The following TCF7L2 variants were observed in gnomAD, a reference collection of about 807,000 sequenced individuals.
TCF7L2 encodes transcription factor 7-like 2.
Under a neutral mutation model 77.9 loss-of-function variants are expected in TCF7L2, and 23 were observed. That is an observed-to-expected ratio of 0.30 (90% CI 0.21 to 0.42). The LOEUF (loss-of-function observed/expected upper bound fraction) is 0.42. TCF7L2 is among the 10% of genes least tolerant of loss of function. TCF7L2 has a pLI of 1.00. For missense variants in TCF7L2, 654 were observed against 793.1 expected (o/e 0.82, Z 2.11); for synonymous variants, 413 against 340.2 (o/e 1.21, Z -2.36).
In TCF7L2 at chr10:113,140,242, G is replaced by A. The variant is rs145546205; in HGVS notation, c.553-942G>A. ...GTTATAGCACAGAGTAGTGGAGTGG[G>A]GAGGGGTGGACTGAGCGGGAGGTGG... On this transcript the variant is annotated intron_variant, in intron 5 of 13. Transcript: ENST00000627217. 4.1e-4 allele frequency among the ~76,000 whole-genome samples: 62 copies of A among 152,202 alleles called. No homozygotes were observed. In the East Asian group the frequency reaches 0.011, roughly 28 times the overall value.
intron 5 of TCF7L2, among the ~76,000 whole-genome samples, chr10:113,055,637 G>T (rs2055247741): frequency 6.6e-6 from 1 of 152,168 alleles, no homozygotes; most frequent in Non-Finnish European, 1.5e-5. Flanking sequence ...GCTATTCACA[G>T]GAAAGAGCAT....
At chr10:113,155,912 G>A (rs1444715581) in intron 11 of TCF7L2, among the ~76,000 whole-genome samples, 1 of 152,108 alleles carries the variant, frequency 6.6e-6, no homozygotes, top group Non-Finnish European at 1.5e-5. Context: ...TGTACATGAA[G>A]GAACATAGCG....
chr10:113,024,760 C>A (rs1041674346), intron 4 of TCF7L2, among the ~76,000 whole-genome samples: 2 of 151,258 alleles, frequency 1.3e-5, no homozygotes, highest in African/African-American at 4.9e-5. Context: ...GCTGAGATTA[C>A]AGGGGCTTCC....
intron 4 of TCF7L2, among the ~76,000 whole-genome samples, chr10:112,976,416 G>A (rs188104830): frequency 6.6e-6 from 1 of 152,250 alleles, no homozygotes; most frequent in African/African-American, 2.4e-5. Context: ...TTTCTCTTAT[G>A]TCACTGAAAA....
At chr10:113,057,974 G>A (rs1463094304) in intron 5 of TCF7L2, among the ~76,000 whole-genome samples, 1 of 152,182 alleles carries the variant, frequency 6.6e-6, no homozygotes, top group African/African-American at 2.4e-5. Flanking sequence ...ACTAAGATGT[G>A]AACAGTGGGA....
intron 4 of TCF7L2, among the ~76,000 whole-genome samples, chr10:113,002,444 A>G (rs1459828205): frequency 4.6e-5 from 7 of 152,152 alleles, no homozygotes; most frequent in African/African-American, 1.4e-4. Flanking sequence ...TAAGGATGCT[A>G]TTGAACATCC....
chr10:113,078,129 A>AT lies in TCF7L2; in HGVS notation c.552+38005dup, dbSNP rs757287143. On this transcript the variant is annotated intron_variant, in intron 5 of 13. Coordinates refer to ENST00000627217, the MANE Select transcript of TCF7L2 (RefSeq NM_001146274.2). ...TCATCAGTTGATGGCAAGCTTCAGAATTAAAAAAAAAAATTAAGCTAGTTC... is the reference window on the plus strand; with the variant it reads ...TCATCAGTTGATGGCAAGCTTCAGAATTTAAAAAAAAAAATTAAGCTAGTTC... Among the ~76,000 whole-genome samples the AT allele has an allele frequency of 9.1e-5, 9 of 99,390 alleles. No individual in the cohort carries two copies. The South Asian group carries it at 1.6e-3, about 18-fold the overall frequency. The allele number at this position is 99,390 out of a possible 152,430, so 65.2% of individuals were successfully genotyped here. A position where few individuals can be genotyped will look rare whatever the true frequency, so the allele number is the denominator to read the frequency against.
intron 4 of TCF7L2, among the ~76,000 whole-genome samples, chr10:112,990,405 T>C (rs987219664): frequency 2.6e-5 from 4 of 152,130 alleles, no homozygotes; most frequent in Non-Finnish European, 4.4e-5. Flanking sequence ...AACCTAAAGG[T>C]TGCTAAAAAA....
intron 11 of TCF7L2, among the ~76,000 whole-genome samples, chr10:113,156,622 G>A (rs748157954): frequency 1.8e-4 from 27 of 152,350 alleles, no homozygotes; most frequent in Non-Finnish European, 3.1e-4. Context: ...TGAGGCAGTC[G>A]CCTCTCCTGA....
intron 5 of TCF7L2, among the ~76,000 whole-genome samples, chr10:113,081,399 A>G (rs1201560373): frequency 6.6e-6 from 1 of 152,226 alleles, no homozygotes; most frequent in African/African-American, 2.4e-5. Context: ...TTCATTAGCT[A>G]GATTCACAAA....
intron 4 of TCF7L2, among the ~76,000 whole-genome samples, chr10:113,038,030 T>C (rs115370345): frequency 0.013 from 1,983 of 152,264 alleles, 46 homozygotes; most frequent in African/African-American, 0.045. Flanking sequence ...TGGCCTGGGT[T>C]ACAGATGGAG....
intron 4 of TCF7L2, among the ~76,000 whole-genome samples, chr10:112,966,522 T>C (rs1053274531): frequency 2.0e-5 from 3 of 152,060 alleles, no homozygotes; most frequent in African/African-American, 7.2e-5. Context: ...AACGGGTGGA[T>C]GTACCATGTC....
chr10:112,979,426 G>C (rs754985208), intron 4 of TCF7L2, among the ~76,000 whole-genome samples: 10 of 152,154 alleles, frequency 6.6e-5, no homozygotes, highest in Non-Finnish European at 1.0e-4. Flanking sequence ...ACTTTCTGGC[G>C]TTCTCCAAGT....
Position 113,165,768 on chromosome 10 carries a change from ACCCG to A in TCF7L2, c.1609_1612del (p.Ala537SerfsTer64). 1 of 1,601,040 alleles carries A rather than the reference ACCCG, an allele frequency of 6.2e-7. No homozygotes were observed. On this transcript the variant is annotated frameshift_variant, in exon 14 of 14. Coordinates refer to ENST00000627217, the MANE Select transcript of TCF7L2 (RefSeq NM_001146274.2). LOFTEE classifies it high-confidence loss of function. ...CCCACCTGTCCATGATGCCTCCGCC[ACCCG>A]CCCTCCTGCTCGCTGAGGCCACCCA...
At chr10:113,145,231 TG>T (rs2069144971) in intron 7 of TCF7L2, among the ~76,000 whole-genome samples, 1 of 152,150 alleles carries the variant, frequency 6.6e-6, no homozygotes. Context: ...ACGGTAGACA[TG>T]AACATGAGCT....
chr10:113,148,383 A>G (rs1325629397), intron 8 of TCF7L2, among the ~76,000 whole-genome samples: 2 of 152,192 alleles, frequency 1.3e-5, no homozygotes, highest in Non-Finnish European at 2.9e-5. Context: ...CACAAAAAAT[A>G]AGGCAGGAAG....
chr10:113,072,755 T>C (rs1052675206), intron 5 of TCF7L2, among the ~76,000 whole-genome samples: 3 of 152,210 alleles, frequency 2.0e-5, no homozygotes, highest in Non-Finnish European at 4.4e-5. Flanking sequence ...TTATTTGTGG[T>C]GCACACAGGT....
At chr10:113,081,975 T>C (rs573146143) in intron 5 of TCF7L2, among the ~76,000 whole-genome samples, 24 of 152,266 alleles carry the variant, frequency 1.6e-4, no homozygotes, top group Admixed American at 1.6e-3. Flanking sequence ...GTATGTGGGA[T>C]TACAGGTGCC....
intron 4 of TCF7L2, among the ~76,000 whole-genome samples, chr10:112,966,543 A>T (rs1564722607): frequency 6.6e-6 from 1 of 152,012 alleles, no homozygotes; most frequent in Non-Finnish European, 1.5e-5. Flanking sequence ...GAGGCCTCCT[A>T]CATCTCGGGT....
Sources: gnomAD v4.1 joint callset for allele counts (sites outside exome capture counted in the v4.1 genomes callset) on GRCh38, gnomAD v4.1.1 for gene constraint, MANE v1.5 for transcripts, NCBI Gene and HGNC (gene_info 2026-07-23, HGNC 2026-07-21) for gene names.